Variants in ENPP2 observed in about 807,000 individuals in gnomAD.
ENPP2 encodes the protein ectonucleotide pyrophosphatase/phosphodiesterase 2, also known as autotaxin.
Under a neutral mutation model 120.2 loss-of-function variants are expected in ENPP2, and 51 were observed. That is an observed-to-expected ratio of 0.42 (90% CI 0.34 to 0.54). The LOEUF (loss-of-function observed/expected upper bound fraction) is 0.54, where lower values mean the gene tolerates loss of function less well. ENPP2 is among the 20% of genes least tolerant of loss of function. The probability of loss-of-function intolerance (pLI) is 0.04; values close to 1 mark genes in which losing one functional copy is unlikely to be tolerated. For synonymous variants in ENPP2, 365 were observed against 366.4 expected (o/e 1.00, Z 0.04); for missense variants, 920 against 1,066.5 (o/e 0.86, Z 1.91).
chr8:119,621,725 C>T (rs1244191446), intron 3 of ENPP2, among the ~76,000 whole-genome samples: 1 of 152,122 alleles, frequency 6.6e-6, no homozygotes, highest in Non-Finnish European at 1.5e-5. Context: ...CAGAGAACAA[C>T]ATCAAAATGC....
intron 1 of ENPP2, among the ~76,000 whole-genome samples, chr8:119,664,144 T>C (rs975393682): frequency 2.6e-5 from 4 of 152,186 alleles, no homozygotes; most frequent in Non-Finnish European, 5.9e-5. Flanking sequence ...ATCATTCTTA[T>C]GAAAGTTATA....
intron 1 of ENPP2, among the ~76,000 whole-genome samples, chr8:119,658,785 T>C (rs974002813): frequency 1.3e-5 from 2 of 151,978 alleles, no homozygotes; most frequent in Non-Finnish European, 2.9e-5. Flanking sequence ...TCCCATTAAG[T>C]CCCCAAACCC....
intron 1 of ENPP2, among the ~76,000 whole-genome samples, chr8:119,647,886 TC>T (rs1817518302): frequency 6.6e-6 from 1 of 152,022 alleles, no homozygotes; most frequent in Non-Finnish European, 1.5e-5. Flanking sequence ...GCGCCTGTAA[TC>T]CCGGCTACTT....
upstream of ENPP2, among the ~76,000 whole-genome samples, chr8:119,641,240 T>C (rs1817277702): frequency 6.6e-6 from 1 of 151,864 alleles, no homozygotes; most frequent in Non-Finnish European, 1.5e-5. Context: ...GTCAGGAGAA[T>C]GACCAAGATG....
chr8:119,587,173 C>T (rs958573720), intron 13 of ENPP2, 98 bp from the exon 14 acceptor site: 1 of 923,164 alleles, frequency 1.1e-6, no homozygotes, highest in Non-Finnish European at 1.7e-6. Flanking sequence ...TCCTTCCATC[C>T]CACAGAAGAC....
At chr8:119,644,118 C>T (rs1053797954) in intron 1 of ENPP2, among the ~76,000 whole-genome samples, 1 of 152,022 alleles carries the variant, frequency 6.6e-6, no homozygotes, top group Non-Finnish European at 1.5e-5. Flanking sequence ...ACCCTAAAGG[C>T]AACAAAAAGC....
chr8:119,569,449 C>T (rs112580933), intron 20 of ENPP2, 79 bp from the exon 21 acceptor site: 6 of 1,381,080 alleles, frequency 4.3e-6, no homozygotes, highest in African/African-American at 2.9e-5. Flanking sequence ...CTGGCTTCTC[C>T]TATGCTTGTA....
At chr8:119,562,250 C>T (rs898933207) in intron 24 of ENPP2, among the ~76,000 whole-genome samples, 10 of 151,994 alleles carry the variant, frequency 6.6e-5, no homozygotes, top group African/African-American at 2.4e-4. Context: ...CAAGACCAGC[C>T]TGACCAACAT....
intron 2 of ENPP2, among the ~76,000 whole-genome samples, chr8:119,637,884 C>T (rs966907930): frequency 2.0e-5 from 3 of 152,316 alleles, no homozygotes; most frequent in Middle Eastern, 3.4e-3. Flanking sequence ...GCCATAAGGA[C>T]ACACAATGAG....
At chr8:119,621,676 G>A (rs1815907905) in intron 3 of ENPP2, among the ~76,000 whole-genome samples, 157 bp from the exon 4 acceptor site, 1 of 152,204 alleles carries the variant, frequency 6.6e-6, no homozygotes, top group South Asian at 2.1e-4. Flanking sequence ...AGGACATTTG[G>A]AGAATTTACA....
intron 1 of ENPP2, among the ~76,000 whole-genome samples, chr8:119,651,895 C>A (rs372821966): frequency 2.6e-5 from 4 of 152,144 alleles, no homozygotes; most frequent in African/African-American, 9.7e-5. Flanking sequence ...ATTTAGTAAG[C>A]ATCCACTGCA....
Position 119,616,331 on chromosome 8 carries a change from T to C in ENPP2, c.711A>G (p.Val237=). The change falls in exon 8 of 25, where the codon GTA becomes GTG. Residue 237 remains valine, a synonymous_variant. Transcript: ENST00000075322. ...CTCGCAGATGAAAAGTGGCATCAAA[T>C]ACAGGATCATACATTGAATTGCCAA... ...GIVGNSMYDP[V]FDATFHLRGR... The C allele has an allele frequency of 9.9e-6, 16 of 1,609,138 alleles. No individual in the cohort carries two copies. Among genetic ancestry groups the C allele is most frequent in the Non-Finnish European group, 1.4e-5 (16 of 1,176,200 alleles).
At chr8:119,626,095 C>T (rs867088797) in intron 3 of ENPP2, among the ~76,000 whole-genome samples, 4 of 152,164 alleles carry the variant, frequency 2.6e-5, no homozygotes, top group Non-Finnish European at 4.4e-5. Flanking sequence ...CAGTGGCTCA[C>T]TCCTATAATC....
rs555312074 is a variant in ENPP2 at position 119,562,798 on chromosome 8, G to A, written c.2421+59C>T. 208 of 1,486,592 alleles carry A rather than the reference G, an allele frequency of 1.4e-4. 1 individual carries two copies. The South Asian group carries it at 2.4e-3, about 17-fold the overall frequency. 92.1% of individuals were successfully genotyped at this position (1,486,592 alleles called of 1,614,324 possible). On this transcript the variant is annotated intron_variant, in intron 24 of 24. Transcript: ENST00000075322. The stretch of plus-strand genomic sequence containing the variant: ...TCTAGTTCAATGATGGAAATATAAA[G>A]TAAGAAACGAAGGTGAACTATGGAA...
At chr8:119,660,924 C>G (rs1024588628) in intron 1 of ENPP2, among the ~76,000 whole-genome samples, 4 of 152,152 alleles carry the variant, frequency 2.6e-5, no homozygotes, top group Admixed American at 2.6e-4. Context: ...AGTGAGAAGA[C>G]AACCCAAGGA....
In ENPP2 at chr8:119,586,185, C is replaced by T; in HGVS notation, c.1367+1G>A. The stretch of plus-strand genomic sequence containing the variant: ...ACAGAAATAGCCCATATACCAGTTA[C>T]CTTGCAACATGCCATCTGCGTTCCA... On this transcript the variant is annotated splice_donor_variant, in intron 15 of 24. Transcript: ENST00000075322. LOFTEE classifies it high-confidence loss of function. The T allele has an allele frequency of 6.2e-7, 1 of 1,613,880 alleles. No individual in the cohort carries two copies. Among genetic ancestry groups the T allele is most frequent in the Non-Finnish European group, 8.5e-7 (1 of 1,179,866 alleles).
intron 19 of ENPP2, among the ~76,000 whole-genome samples, chr8:119,579,493 C>T (rs1812577081): frequency 6.6e-6 from 1 of 152,044 alleles, no homozygotes; most frequent in Admixed American, 6.6e-5. Context: ...ACACATGGAG[C>T]AAAGCTGCCC....
At chr8:119,580,305 G>C (rs1021828054) in intron 18 of ENPP2, 138 bp from the exon 19 acceptor site, 4 of 722,018 alleles carry the variant, frequency 5.5e-6, no homozygotes, top group Non-Finnish European at 9.9e-6. Context: ...ACATTCTTTC[G>C]AGGAATTAAC....
At chr8:119,656,925 ATTTTAT>A (rs903043816) in intron 1 of ENPP2, among the ~76,000 whole-genome samples, 19 of 152,032 alleles carry the variant, frequency 1.2e-4, no homozygotes, top group African/African-American at 4.3e-4. Context: ...TTTTTATTTT[ATTTTAT>A]TTTTATTATT....
Sources: allele counts gnomAD v4.1 joint callset (sites outside exome capture counted in the v4.1 genomes callset), GRCh38; gene constraint gnomAD v4.1.1; transcripts MANE v1.5; gene names NCBI Gene and HGNC (gene_info 2026-07-23, HGNC 2026-07-21).